The following STK17B variants were observed in gnomAD, a reference collection of about 807,000 sequenced individuals.
The protein encoded by STK17B is serine/threonine kinase 17b.
STK17B carries 21 observed loss-of-function variants against 42.0 expected under a neutral mutation model. The ratio of observed to expected loss-of-function variants is 0.50; its 90% CI spans 0.35 to 0.72. The LOEUF (loss-of-function observed/expected upper bound fraction) is 0.72, where lower values mean the gene tolerates loss of function less well. Ranked by LOEUF, STK17B falls within the 30% of genes least tolerant of loss-of-function variation. The probability of loss-of-function intolerance (pLI) is 0.00; values close to 1 mark genes in which losing one functional copy is unlikely to be tolerated. For synonymous variants in STK17B, 143 were observed against 148.4 expected, an observed-to-expected ratio of 0.96 and a Z score of 0.26; for missense variants, 349 against 446.0, an observed-to-expected ratio of 0.78 and a Z score of 1.96.
chr2:196,162,693 T>C (rs190087313), intron 2 of STK17B, among the ~76,000 whole-genome samples: 151 of 151,560 alleles, frequency 1.0e-3, no homozygotes, highest in African/African-American at 3.6e-3. Flanking sequence ...AACCCAGGAG[T>C]TGGAGACCAG....
At position 196,134,534 on chromosome 2, in the gene STK17B, A is replaced by G. The variant is rs1054100067; in HGVS notation, c.*2913T>C. ...GTCCTGTGGAAAAATTTTCTTCCACAAAACCCGTCCCTAGTGCCAAAACAG... is the reference window on the plus strand; with the variant it reads ...GTCCTGTGGAAAAATTTTCTTCCACGAAACCCGTCCCTAGTGCCAAAACAG... On this transcript the variant is annotated 3_prime_UTR_variant, in exon 8 of 8. Coordinates refer to ENST00000263955, the MANE Select transcript of STK17B (RefSeq NM_004226.4). The G allele has an allele frequency of 1.3e-5, 2 of 152,234 alleles. No homozygotes were observed. The highest frequency in any genetic ancestry group is 4.8e-5 in the African/African-American group (2 of 41,466). 9.4% of individuals were successfully genotyped at this position (152,234 alleles called of 1,614,324 possible). A position where few individuals can be genotyped will look rare whatever the true frequency, so the allele number is the denominator to read the frequency against.
chr2:196,140,624 G>T, intron 6 of STK17B, among the ~76,000 whole-genome samples: 1 of 127,368 alleles, frequency 7.9e-6, no homozygotes, highest in Non-Finnish European at 1.6e-5. Context: ...GAGTGCAATA[G>T]CATGATCTTG....
At chr2:196,141,189 C>T (rs1054457197) in intron 6 of STK17B, 60 bp downstream of exon 6, 2 of 1,327,434 alleles carry the variant, frequency 1.5e-6, no homozygotes, top group African/African-American at 2.9e-5. Flanking sequence ...TCAAAGAACC[C>T]CAGAATATAC....
chr2:196,172,205 A>G (rs1311263984), upstream of STK17B, among the ~76,000 whole-genome samples: 1 of 152,194 alleles, frequency 6.6e-6, no homozygotes, highest in Non-Finnish European at 1.5e-5. Flanking sequence ...GACTGAAGGC[A>G]GTGTAGGGAG....
chr2:196,160,660 T>C (rs1335653031), intron 2 of STK17B, among the ~76,000 whole-genome samples: 3 of 152,220 alleles, frequency 2.0e-5, no homozygotes, highest in Admixed American at 6.5e-5. Flanking sequence ...CCATGATTTC[T>C]AATTTATCAA....
chr2:196,165,284 C>T (rs1699863316), intron 1 of STK17B, among the ~76,000 whole-genome samples: 1 of 152,146 alleles, frequency 6.6e-6, no homozygotes, highest in African/African-American at 2.4e-5. Context: ...AGAAACCAAC[C>T]CCGCAGACAC....
upstream of STK17B, chr2:196,176,141 A>G (rs1009167476): frequency 6.6e-6 from 1 of 152,184 alleles, no homozygotes. Flanking sequence ...TCATAACCTG[A>G]TAAGAGCACA....
At chr2:196,172,831 G>A (rs1699964374), upstream of STK17B, among the ~76,000 whole-genome samples, 1 of 152,154 alleles carries the variant, frequency 6.6e-6, no homozygotes, top group Admixed American at 6.5e-5. Flanking sequence ...AAAATAAAAT[G>A]CCACACACTG....
chr2:196,146,037 A>G lies in STK17B; in HGVS notation c.354T>C (p.Ile118=), dbSNP rs373607600. The change falls in exon 4 of 8, where the codon ATT becomes ATC. Residue 118 remains isoleucine (I), a synonymous_variant. Coordinates refer to ENST00000263955, the MANE Select transcript of STK17B (RefSeq NM_004226.4). ...CCAACTCAGGTAAACACAGGCTGAA[A>G]ATTTCTCCACCTGCAGCACTAAAAT... ...LILEYAAGGE[I]FSLCLPELAE... 6.3e-7 allele frequency: 1 copy of G among 1,589,302 alleles called. No individual in the cohort carries two copies. The highest frequency in any genetic ancestry group is 1.2e-5 in the South Asian group (1 of 86,122).
chr2:196,163,854 A>G (rs1575186161), intron 1 of STK17B, among the ~76,000 whole-genome samples: 1 of 151,826 alleles, frequency 6.6e-6, no homozygotes, highest in Non-Finnish European at 1.5e-5. Flanking sequence ...TCCTGGCAAC[A>G]TAGCGAGATC....
In STK17B at chr2:196,154,967, C is replaced by T. The variant is rs1401469151; in HGVS notation, c.335+1472G>A. Reference sequence around the variant, plus strand: ...TTCTGCCAGTTTACTGGGTAAGGTACCTGAGTCAATTTTCCGGAGTATGAA... The same window carrying T: ...TTCTGCCAGTTTACTGGGTAAGGTATCTGAGTCAATTTTCCGGAGTATGAA... On this transcript the variant is annotated intron_variant, in intron 3 of 7. Transcript: ENST00000263955. 3.3e-5 allele frequency: 5 copies of T among 152,200 alleles called. No homozygotes were observed. In the East Asian group the frequency reaches 9.6e-4, roughly 29 times the overall value. The allele number at this position is 152,200 out of a possible 1,614,324, so 9.4% of individuals were successfully genotyped here.
At position 196,137,365 on chromosome 2, in the gene STK17B, A is replaced by C; in HGVS notation, c.*82T>G. The C allele has an allele frequency of 1.4e-6, 2 of 1,404,586 alleles. No individual in the cohort carries two copies. The highest frequency in any genetic ancestry group is 1.9e-6 in the Non-Finnish European group (2 of 1,035,024). 87.0% of individuals were successfully genotyped at this position (1,404,586 alleles called of 1,614,324 possible). A position where few individuals can be genotyped will look rare whatever the true frequency, so the allele number is the denominator to read the frequency against. On this transcript the variant is annotated 3_prime_UTR_variant, in exon 8 of 8. Transcript: ENST00000263955. ...AGTGCATTTACAATATAAACATGTC[A>C]TATATGAAGCTACAAATCATAATCT...
chr2:196,167,860 G>C (rs1268290845), intron 1 of STK17B, among the ~76,000 whole-genome samples: 1 of 152,176 alleles, frequency 6.6e-6, no homozygotes, highest in African/African-American at 2.4e-5. Flanking sequence ...AAGATTCTAA[G>C]GGAAGCAACT....
At position 196,153,014 on chromosome 2, in the gene STK17B, G is replaced by A. The variant is rs184583926; in HGVS notation, c.335+3425C>T. 1.1e-4 allele frequency: 16 copies of A among 151,996 alleles called. No homozygotes were observed. In the East Asian group the frequency reaches 3.1e-3, roughly 29 times the overall value. The allele number at this position is 151,996 out of a possible 1,614,324, so 9.4% of individuals were successfully genotyped here. A position where few individuals can be genotyped will look rare whatever the true frequency, so the allele number is the denominator to read the frequency against. ...TGCCCAGGCTGGTCTCGAACTCCTG[G>A]ATTCAAGGGATCCTCCGGCCTCGGC... On this transcript the variant is annotated intron_variant, in intron 3 of 7. Transcript: ENST00000263955.
intron 5 of STK17B, 141 bp downstream of exon 5, chr2:196,143,419 A>C: frequency 1.3e-6 from 1 of 776,748 alleles, no homozygotes; most frequent in South Asian, 2.6e-5. Flanking sequence ...TAACCTAACC[A>C]AGTTTTAATG....
chr2:196,141,436 G>A, intron 5 of STK17B, 139 bp from the exon 6 acceptor site: 1 of 621,632 alleles, frequency 1.6e-6, no homozygotes, highest in Non-Finnish European at 2.8e-6. Flanking sequence ...GAGGCAGGCA[G>A]ATCACCTGAG....
Position 196,135,704 on chromosome 2 carries a change from G to A in STK17B, c.*1743C>T, listed in dbSNP as rs1278396377. On this transcript the variant is annotated 3_prime_UTR_variant, in exon 8 of 8. Transcript: ENST00000263955. ...GAGACAGGAGAATTGCTTGAACCCG[G>A]GAGGCAGAGGTTGCCGTGAGCTGAG... The A allele has an allele frequency of 6.7e-6, 1 of 148,198 alleles. No homozygotes were observed. The highest frequency in any genetic ancestry group is 1.5e-5 in the Non-Finnish European group (1 of 67,638). 9.2% of individuals were successfully genotyped at this position (148,198 alleles called of 1,614,324 possible).
chr2:196,172,987 A>G (rs552770449), upstream of STK17B, among the ~76,000 whole-genome samples: 2 of 152,300 alleles, frequency 1.3e-5, no homozygotes, highest in South Asian at 2.1e-4. Context: ...TTACATCATT[A>G]TGGTGGTTTT....
intron 4 of STK17B, 123 bp downstream of exon 4, chr2:196,145,788 C>T (rs1699564141): frequency 1.1e-6 from 1 of 912,328 alleles, no homozygotes; most frequent in South Asian, 2.2e-5. Flanking sequence ...AAAGAGCACA[C>T]CAGTGCAGTC....
Sources: gnomAD v4.1 joint callset for allele counts (sites outside exome capture counted in the v4.1 genomes callset) on GRCh38, gnomAD v4.1.1 for gene constraint, MANE v1.5 for transcripts, NCBI Gene and HGNC (gene_info 2026-07-23, HGNC 2026-07-21) for gene names.